The following ATRN variants were observed in gnomAD, a reference collection of about 807,000 sequenced individuals.
The protein encoded by ATRN is attractin-2.
Under a neutral mutation model 178.7 loss-of-function variants are expected in ATRN, and 54 were observed. The ratio of observed to expected loss-of-function variants is 0.30; its 90% confidence interval spans 0.24 to 0.38. The LOEUF (loss-of-function observed/expected upper bound fraction) is 0.38. Among genes scored for constraint, ATRN ranks in the 10% least tolerant of loss-of-function variants. The pLI is 1.00. For synonymous variants in ATRN, 636 were observed against 663.0 expected (o/e 0.96, Z 0.63); for missense variants, 1,443 against 1,815.1 (o/e 0.79, Z 3.73).
chr20:3,529,098 G>A (rs989392291), intron 1 of ATRN, among the ~76,000 whole-genome samples: 4 of 152,106 alleles, frequency 2.6e-5, no homozygotes, highest in Non-Finnish European at 5.9e-5. Context: ...ATAGACATAA[G>A]CCACTGTGCC....
At chr20:3,503,381 A>G (rs1418675505) in intron 1 of ATRN, among the ~76,000 whole-genome samples, 4 of 152,202 alleles carry the variant, frequency 2.6e-5, no homozygotes, top group Non-Finnish European at 4.4e-5. Context: ...AAGACAATCA[A>G]CAGTCACCAA....
intron 21 of ATRN, among the ~76,000 whole-genome samples, chr20:3,596,885 T>TA (rs1255236366): frequency 6.6e-6 from 1 of 152,090 alleles, no homozygotes; most frequent in Non-Finnish European, 1.5e-5. Context: ...ACCATGTTTT[T>TA]ATGGGTAAAT....
At position 3,541,238 on chromosome 20, in the gene ATRN, C is replaced by T. The variant is rs528375243; in HGVS notation, c.608+903C>T. ...GACTACAGGCGCCCGCTACCACGCC[C>T]GGCTAATTTTTTGTATTTTTAGTAG... is the stretch of plus-strand genomic sequence containing the variant. On this transcript the variant is annotated intron_variant, in intron 3 of 28. Coordinates refer to ENST00000262919, the MANE Select transcript of ATRN (RefSeq NM_139321.3). Among the ~76,000 whole-genome samples, 1,258 of 151,354 alleles carry T rather than the reference C, an allele frequency of 8.3e-3. 20 individuals carry two copies. The highest frequency in any genetic ancestry group is 0.029 in the African/African-American group (1,196 of 41,376).
Position 3,471,235 on chromosome 20 carries a change from T to A in ATRN, c.128T>A (p.Leu43Gln). ...GTGACCAGGGCTGGGAGGCCGGGGC[T>A]GGGGGCCGGGCTGCGCCTCCCGCGG... ...WDVTRAGRPG[L>Q]GAGLRLPRLL... Residue 43 changes from leucine to glutamine, a missense_variant, in exon 1 of 29, where the codon CTG (leucine) becomes CAG (glutamine). Around this residue, in one of 4 missense-constraint regions of ATRN, gnomAD observed 862 missense variants for 972.1 expected, o/e 0.89. Coordinates refer to ENST00000262919, the MANE Select transcript of ATRN (RefSeq NM_139321.3). 6.9e-7 allele frequency: 1 copy of A among 1,453,188 alleles called. No homozygotes were observed. The highest frequency in any genetic ancestry group is 1.4e-5 in the South Asian group (1 of 72,756). The allele number at this position is 1,453,188 out of a possible 1,614,324, so 90.0% of individuals were successfully genotyped here.
intron 3 of ATRN, 32 bp downstream of exon 3, chr20:3,540,367 G>A (rs373430377): frequency 5.3e-5 from 72 of 1,352,126 alleles, no homozygotes; most frequent in Admixed American, 2.0e-4. Context: ...TTCTTTCATC[G>A]TTTGATTTCT....
chr20:3,571,734 C>T (rs937889234), intron 11 of ATRN, among the ~76,000 whole-genome samples: 1 of 152,132 alleles, frequency 6.6e-6, no homozygotes, highest in Non-Finnish European at 1.5e-5. Context: ...TAGTCCTTTT[C>T]CTATAACATA....
intron 6 of ATRN, among the ~76,000 whole-genome samples, chr20:3,555,698 G>C (rs2085868043): frequency 6.6e-6 from 1 of 152,164 alleles, no homozygotes; most frequent in Admixed American, 6.5e-5. Flanking sequence ...GCTATGGAAA[G>C]GATAGAAATT....
intron 28 of ATRN, among the ~76,000 whole-genome samples, chr20:3,646,177 T>G (rs1052815205): frequency 6.6e-6 from 1 of 152,186 alleles, no homozygotes; most frequent in African/African-American, 2.4e-5. Flanking sequence ...CCTTGCTTAT[T>G]CCAAAGCCTG....
At chr20:3,618,760 G>A (rs1420059395) in intron 24 of ATRN, among the ~76,000 whole-genome samples, 1 of 152,224 alleles carries the variant, frequency 6.6e-6, no homozygotes, top group Non-Finnish European at 1.5e-5. Context: ...TGGTGTGTGA[G>A]GCCGGGTGAT....
At chr20:3,605,886 C>T (rs1396978368) in intron 24 of ATRN, among the ~76,000 whole-genome samples, 2 of 152,120 alleles carry the variant, frequency 1.3e-5, no homozygotes, top group African/African-American at 2.4e-5. Flanking sequence ...ACATCCTGCA[C>T]ATGTACCCCT....
chr20:3,586,362 A>G (rs1473841720), intron 18 of ATRN, among the ~76,000 whole-genome samples: 1 of 152,198 alleles, frequency 6.6e-6, no homozygotes, highest in African/African-American at 2.4e-5. Flanking sequence ...TGCCATTTAT[A>G]TGAAATGTCC....
chr20:3,625,897 T>C (rs1414825456), intron 25 of ATRN, among the ~76,000 whole-genome samples: 1 of 152,138 alleles, frequency 6.6e-6, no homozygotes, highest in Non-Finnish European at 1.5e-5. Flanking sequence ...TTCTGTGAGC[T>C]CTCCTGACTG....
At chr20:3,561,025 A>C (rs541343239) in intron 8 of ATRN, 120 bp downstream of exon 8, 2 of 1,326,442 alleles carry the variant, frequency 1.5e-6, no homozygotes, top group South Asian at 2.7e-5. Context: ...ATCTTGAAAC[A>C]TAGTAAACAC....
intron 2 of ATRN, among the ~76,000 whole-genome samples, chr20:3,536,430 C>T (rs979267571): frequency 1.3e-5 from 2 of 151,990 alleles, no homozygotes; most frequent in South Asian, 2.1e-4. Context: ...AGGCTGGTCT[C>T]GAACTCCTGA....
At position 3,541,239 on chromosome 20, in the gene ATRN, G is replaced by A. The variant is rs1293031777; in HGVS notation, c.608+904G>A. 3.3e-5 allele frequency among the ~76,000 whole-genome samples: 5 copies of A among 151,698 alleles called. No homozygotes were observed. In the South Asian group the frequency reaches 8.4e-4, roughly 25 times the overall value. On this transcript the variant is annotated intron_variant, in intron 3 of 28. Transcript: ENST00000262919. Reference sequence around the variant, plus strand: ...ACTACAGGCGCCCGCTACCACGCCCGGCTAATTTTTTGTATTTTTAGTAGA... The same window carrying A: ...ACTACAGGCGCCCGCTACCACGCCCAGCTAATTTTTTGTATTTTTAGTAGA...
chr20:3,604,213 T>C lies in ATRN; in HGVS notation c.3752T>C (p.Ile1251Thr). 3 of 1,613,232 alleles carry C rather than the reference T, an allele frequency of 1.9e-6. No individual in the cohort carries two copies. Among genetic ancestry groups the C allele is most frequent in the Non-Finnish European group, 1.7e-6 (2 of 1,179,740 alleles). ...TTTGATTTTCGCAACCACCCAAATA[T>C]CACTTTCTTTGTTTATGTCAGTAAT... ...EKFDFRNHPN[I>T]TFFVYVSNFT... Residue 1251 changes from isoleucine (I) to threonine (T), a missense_variant, in exon 24 of 29, where the codon ATC (isoleucine) becomes ACC (threonine). By Grantham distance (89) the Ile-to-Thr change is moderately conservative. This residue lies in a region of ATRN where 289 missense variants were observed against 440.8 expected (regional missense o/e 0.66). Transcript: ENST00000262919.
At chr20:3,598,412 C>T (rs2086561580) in intron 22 of ATRN, among the ~76,000 whole-genome samples, 2 of 152,154 alleles carry the variant, frequency 1.3e-5, no homozygotes, top group East Asian at 3.9e-4. Flanking sequence ...GGAGGGGACC[C>T]CAATCAGACA....
chr20:3,576,838 C>T, intron 13 of ATRN, 21 bp from the exon 14 acceptor site: 1 of 1,611,510 alleles, frequency 6.2e-7, no homozygotes. Flanking sequence ...AAAAGAAAAG[C>T]TTTTGTCCAC....
At chr20:3,509,452 C>A (rs902038840) in intron 1 of ATRN, among the ~76,000 whole-genome samples, 2 of 151,812 alleles carry the variant, frequency 1.3e-5, no homozygotes, top group African/African-American at 2.4e-5. Context: ...AATAATGTAA[C>A]CTTATGTTAT....
Sources: gnomAD v4.1 joint callset for allele counts (sites outside exome capture counted in the v4.1 genomes callset) on GRCh38, gnomAD v4.1.1 for gene constraint, gnomAD v4.1.1 regional missense constraint, MANE v1.5 for transcripts, NCBI Gene and HGNC (gene_info 2026-07-23, HGNC 2026-07-21) for gene names.